Variants in CLGN observed in about 807,000 individuals in gnomAD.
The protein encoded by CLGN is calmegin.
Under a neutral mutation model 79.1 loss-of-function variants are expected in CLGN, and 62 were observed. The ratio of observed to expected loss-of-function variants is 0.78; its 90% confidence interval spans 0.64 to 0.97. The LOEUF is 0.97. CLGN is among the 50% of genes least tolerant of loss of function. CLGN has a pLI of 0.00. For missense variants in CLGN, 647 were observed against 715.5 expected, an observed-to-expected ratio of 0.90 and a Z score of 1.09; for synonymous variants, 225 against 224.7, an observed-to-expected ratio of 1.00 and a Z score of -0.01.
At chr4:140,410,942 A>G (rs1019343498) in intron 2 of CLGN, among the ~76,000 whole-genome samples, 1 of 152,110 alleles carries the variant, frequency 6.6e-6, no homozygotes, top group Non-Finnish European at 1.5e-5. Flanking sequence ...AGGAAACAGC[A>G]TAATGAAAAG....
chr4:140,390,668 T>G lies in CLGN; in HGVS notation c.1712A>C (p.Glu571Ala). 1.2e-6 allele frequency: 2 copies of G among 1,605,722 alleles called. No individual in the cohort carries two copies. Among genetic ancestry groups the G allele is most frequent in the Non-Finnish European group, 1.7e-6 (2 of 1,175,178 alleles). ...EEEIEIIEGQ[E>A]ESNQSNKSGS... ...AGACTTATTTGATTGATTACTTTCT[T>G]CTTGCCCTTCTATGATTTCAATTTC... Residue 571 changes from glutamate to alanine, a missense_variant, in exon 14 of 15, where the codon GAA becomes GCA. Transcript: ENST00000325617.
At chr4:140,417,956 A>G (rs1466199072) in intron 1 of CLGN, among the ~76,000 whole-genome samples, 13 of 152,334 alleles carry the variant, frequency 8.5e-5, no homozygotes, top group African/African-American at 3.1e-4. Flanking sequence ...AAACTATACT[A>G]CAAGGCTACA....
rs756759035 is a variant in CLGN, at chr4:140,412,947, T to A, written c.132A>T (p.Glu44Asp). The A allele has an allele frequency of 7.4e-6, 12 of 1,613,204 alleles. No homozygotes were observed. In the African/African-American group the frequency reaches 1.5e-4, roughly 20 times the overall value. ...TCAATAACCATACCTCTGAGGAAAG[T>A]TCACTTTCATTAACATCAATTTCTT... ...NSEEIDVNES[E>D]LSSEIKYKTP... The change falls in exon 2 of 15, where the codon GAA (glutamate) becomes GAT (aspartate). Residue 44 changes from glutamate (E) to aspartate (D), a missense_variant. By Grantham distance (45) the Glu-to-Asp change is conservative. Coordinates refer to ENST00000325617, the MANE Select transcript of CLGN (RefSeq NM_004362.3).
At chr4:140,399,139 G>C in intron 7 of CLGN, 99 bp from the exon 8 acceptor site, 1 of 923,402 alleles carries the variant, frequency 1.1e-6, no homozygotes, top group Non-Finnish European at 1.5e-6. Flanking sequence ...CATGGGTAAA[G>C]CTTTTTTCCC....
rs1728721164 is a variant in CLGN at position 140,388,788 on chromosome 4, T to G, written c.*436A>C. 1.3e-5 allele frequency: 2 copies of G among 154,906 alleles called. No individual in the cohort carries two copies. Among genetic ancestry groups the G allele is most frequent in the Admixed American group, 1.3e-4 (2 of 15,708 alleles). The allele number at this position is 154,906 out of a possible 1,614,324, so 9.6% of individuals were successfully genotyped here. On this transcript the variant is annotated 3_prime_UTR_variant, in exon 15 of 15. Transcript: ENST00000325617. ...TAGAATCAAACAACCATACAGAAAC[T>G]TTATTGCATTTAGCTCTTCACAACA...
At chr4:140,392,757 C>A in intron 11 of CLGN, 46 bp from the exon 12 acceptor site, 9 of 1,520,890 alleles carry the variant, frequency 5.9e-6, no homozygotes, top group Non-Finnish European at 7.9e-6. Flanking sequence ...TTTTACAAAC[C>A]TTTACTGGGT....
intron 8 of CLGN, among the ~76,000 whole-genome samples, chr4:140,397,313 T>C (rs1728909200): frequency 6.6e-6 from 1 of 152,148 alleles, no homozygotes; most frequent in South Asian, 2.1e-4. Flanking sequence ...GAACTTTGAA[T>C]GTACATTTAG....
chr4:140,408,517 A>C (rs1485078598), intron 4 of CLGN, among the ~76,000 whole-genome samples: 8 of 152,090 alleles, frequency 5.3e-5, no homozygotes, highest in African/African-American at 1.7e-4. Flanking sequence ...GGCAAATGAC[A>C]TAAATAGACA....
chr4:140,392,265 G>C lies in CLGN; in HGVS notation c.1605C>G (p.Asp535Glu). Reference sequence around the variant, plus strand: ...CATTTTGCTTTTTTTCCTCTTCCAGGTCCATTGGTTTTTCCAGGGCTGCTT... The same window carrying C: ...CATTTTGCTTTTTTTCCTCTTCCAGCTCCATTGGTTTTTCCAGGGCTGCTT... ...EEKAALEKPM[D>E]LEEEKKQNDG... is the part of the protein sequence containing the mutation. Residue 535 changes from aspartate (D) to glutamate (E), a missense_variant, in exon 13 of 15, where the codon GAC becomes GAG. Physicochemically the swap from Asp to Glu is conservative, Grantham distance 45 (BLOSUM62 2). Transcript: ENST00000325617. 3 of 1,612,776 alleles carry C rather than the reference G, an allele frequency of 1.9e-6. No homozygotes were observed. The highest frequency in any genetic ancestry group is 1.7e-6 in the Non-Finnish European group (2 of 1,179,380).
chr4:140,409,785 A>G, intron 4 of CLGN, 52 bp downstream of exon 4: 1 of 1,203,482 alleles, frequency 8.3e-7, no homozygotes, highest in Non-Finnish European at 1.2e-6. Flanking sequence ...CTCAAAGTTT[A>G]GTGAACTCCA....
intron 1 of CLGN, among the ~76,000 whole-genome samples, chr4:140,424,527 G>A (rs1729526744): frequency 6.6e-6 from 1 of 152,074 alleles, no homozygotes; most frequent in Non-Finnish European, 1.5e-5. Context: ...TGTTTAGTTG[G>A]CTTGTGGTGT....
At chr4:140,414,785 T>G (rs939246128) in intron 1 of CLGN, among the ~76,000 whole-genome samples, 1 of 149,412 alleles carries the variant, frequency 6.7e-6, no homozygotes, top group African/African-American at 2.5e-5. Context: ...TGCAGGATAT[T>G]ACCCAGGAGA....
intron 1 of CLGN, among the ~76,000 whole-genome samples, chr4:140,419,787 C>G (rs528790348): frequency 4.3e-4 from 66 of 152,072 alleles, no homozygotes; most frequent in Admixed American, 2.8e-3. Flanking sequence ...CTCTAAATCA[C>G]AAAAGAGGTA....
At chr4:140,414,388 G>A (rs796863272) in intron 1 of CLGN, among the ~76,000 whole-genome samples, 2,696 of 151,418 alleles carry the variant, frequency 0.018, 83 homozygotes, top group African/African-American at 0.062. Context: ...GGCTTCAGAT[G>A]ATCAAATTAC....
intron 1 of CLGN, among the ~76,000 whole-genome samples, chr4:140,414,745 G>T (rs1729290283): frequency 1.3e-5 from 2 of 148,558 alleles, no homozygotes; most frequent in Admixed American, 1.3e-4. Flanking sequence ...AAAAGTGATG[G>T]GGAGAATGGA....
At chr4:140,413,747 G>C (rs993888015) in intron 1 of CLGN, among the ~76,000 whole-genome samples, 1 of 152,224 alleles carries the variant, frequency 6.6e-6, no homozygotes, top group Non-Finnish European at 1.5e-5. Context: ...AGCAGTCTGA[G>C]ATCAAACTGC....
chr4:140,425,177 A>G (rs1049684437), intron 1 of CLGN, among the ~76,000 whole-genome samples: 1 of 152,208 alleles, frequency 6.6e-6, no homozygotes, highest in Non-Finnish European at 1.5e-5. Context: ...TGTGACCATT[A>G]CCTGGTTCCA....
Position 140,400,563 on chromosome 4 carries a change from T to C in CLGN, c.502-14A>G. 3 of 1,542,370 alleles carry C rather than the reference T, an allele frequency of 1.9e-6. 1 individual carries two copies. Among genetic ancestry groups the C allele is most frequent in the Non-Finnish European group, 2.7e-6 (3 of 1,126,480 alleles). Reference sequence around the variant, plus strand: ...ATAAAAGTTTTCCTTCAAAGAGAGATGAGTGTTGGCATTAGTCCAGAATCA... The same window carrying C: ...ATAAAAGTTTTCCTTCAAAGAGAGACGAGTGTTGGCATTAGTCCAGAATCA... On this transcript the variant is annotated splice_polypyrimidine_tract_variant and intron_variant, in intron 6 of 14. Coordinates refer to ENST00000325617, the MANE Select transcript of CLGN (RefSeq NM_004362.3).
At chr4:140,414,118 A>G (rs1729274194) in intron 1 of CLGN, among the ~76,000 whole-genome samples, 1 of 152,160 alleles carries the variant, frequency 6.6e-6, no homozygotes, top group Admixed American at 6.5e-5. Context: ...AGGGTATTCC[A>G]ACAGACCTGC....
Sources: gnomAD v4.1 joint callset for allele counts (sites outside exome capture counted in the v4.1 genomes callset) on GRCh38, gnomAD v4.1.1 for gene constraint, MANE v1.5 for transcripts, NCBI Gene and HGNC (gene_info 2026-07-23, HGNC 2026-07-21) for gene names.